The following MAGI1 variants were observed in gnomAD, a reference collection of about 807,000 sequenced individuals.
MAGI1 encodes membrane associated guanylate kinase, WW and PDZ domain containing 1, also known as membrane-associated guanylate kinase, WW and PDZ domain-containing protein 1.
MAGI1 carries 58 observed loss-of-function variants against 139.9 expected under a neutral mutation model. That is an observed-to-expected ratio of 0.41 (90% CI 0.34 to 0.52). The LOEUF is 0.52. Among genes scored for constraint, MAGI1 ranks in the 20% least tolerant of loss-of-function variants. The pLI is 0.12. For synonymous variants in MAGI1, 812 were observed against 737.9 expected, an observed-to-expected ratio of 1.10 and a Z score of -1.63; for missense variants, 1,874 against 1,901.6, an observed-to-expected ratio of 0.99 and a Z score of 0.27.
chr3:65,897,251 T>C (rs566020239), intron 1 of MAGI1, among the ~76,000 whole-genome samples: 1 of 152,288 alleles, frequency 6.6e-6, no homozygotes, highest in East Asian at 1.9e-4. Context: ...TACCACACTC[T>C]TTTGCATTAG....
intron 2 of MAGI1, among the ~76,000 whole-genome samples, chr3:65,550,957 C>T (rs1414282523): frequency 6.6e-6 from 1 of 152,074 alleles, no homozygotes; most frequent in East Asian, 1.9e-4. Context: ...GCAACAGAGA[C>T]CCTGTCTTAA....
intron 5 of MAGI1, among the ~76,000 whole-genome samples, chr3:65,463,003 C>T (rs1949921381): frequency 6.6e-6 from 1 of 152,196 alleles, no homozygotes; most frequent in South Asian, 2.1e-4. Flanking sequence ...TGTTTACCAG[C>T]TTAAGGAGTT....
At chr3:65,473,822 C>T (rs932575029) in intron 4 of MAGI1, among the ~76,000 whole-genome samples, 14 of 151,736 alleles carry the variant, frequency 9.2e-5, no homozygotes, top group Non-Finnish European at 2.1e-4. Context: ...ATATGCTTTC[C>T]ATATCTTCTT....
intron 2 of MAGI1, among the ~76,000 whole-genome samples, chr3:65,499,946 G>T (rs1180838681): frequency 6.6e-6 from 1 of 152,094 alleles, no homozygotes; most frequent in Non-Finnish European, 1.5e-5. Context: ...TTTATAAACT[G>T]AATGAAATCA....
intron 1 of MAGI1, among the ~76,000 whole-genome samples, chr3:65,956,704 T>A (rs1484792372): frequency 2.0e-5 from 3 of 152,082 alleles, no homozygotes; most frequent in Non-Finnish European, 4.4e-5. Flanking sequence ...CTGCTTAAAA[T>A]TACCTATTGA....
chr3:65,693,234 T>C (rs1398270825), intron 1 of MAGI1, among the ~76,000 whole-genome samples: 1 of 152,196 alleles, frequency 6.6e-6, no homozygotes, highest in Non-Finnish European at 1.5e-5. Context: ...TGTGAATCAC[T>C]GCGCCTGGCC....
At chr3:65,498,901 T>C (rs1162679492) in intron 2 of MAGI1, 1 of 546,470 alleles carries the variant, frequency 1.8e-6, no homozygotes, top group East Asian at 1.5e-4. Flanking sequence ...GCTACTGGCC[T>C]GGTCAGTACA....
At chr3:65,871,742 C>T (rs546459432) in intron 1 of MAGI1, among the ~76,000 whole-genome samples, 21 of 152,356 alleles carry the variant, frequency 1.4e-4, no homozygotes, top group Admixed American at 1.4e-3. Context: ...AAGTTTTCTA[C>T]TGAATGCTGG....
chr3:65,630,023 T>C (rs2084202905), intron 1 of MAGI1, among the ~76,000 whole-genome samples: 1 of 152,216 alleles, frequency 6.6e-6, no homozygotes, highest in Non-Finnish European at 1.5e-5. Flanking sequence ...CAAACAAAGT[T>C]AAAATCACCT....
At chr3:65,357,274 T>C (rs1940266419) in intron 22 of MAGI1, 142 bp from the exon 23 acceptor site, 3 of 835,600 alleles carry the variant, frequency 3.6e-6, no homozygotes. Context: ...CAACTGAATC[T>C]GTTAACTTAA....
At chr3:65,930,315 C>CAAAAAAAAAAAAAAAAAAAAAAAA (rs58258730) in intron 1 of MAGI1, among the ~76,000 whole-genome samples, 1 of 87,630 alleles carries the variant, frequency 1.1e-5, no homozygotes. Flanking sequence ...GACTCCGTCT[C>CAAAAAAAAAAAAAAAAAAAAAAAA]AAAAAAAAAA....
At chr3:65,370,184 C>T (rs1057140804) in intron 18 of MAGI1, among the ~76,000 whole-genome samples, 3 of 152,220 alleles carry the variant, frequency 2.0e-5, no homozygotes, top group Admixed American at 6.5e-5. Context: ...GGAGCATCAC[C>T]ATGAACCCGG....
chr3:65,495,810 G>A (rs1282580657), intron 2 of MAGI1, among the ~76,000 whole-genome samples: 1 of 152,070 alleles, frequency 6.6e-6, no homozygotes, highest in Non-Finnish European at 1.5e-5. Flanking sequence ...GATGGGGAAT[G>A]CATCCAGGCA....
At chr3:65,531,540 G>A (rs1426482884) in intron 2 of MAGI1, among the ~76,000 whole-genome samples, 1 of 152,054 alleles carries the variant, frequency 6.6e-6, no homozygotes, top group African/African-American at 2.4e-5. Flanking sequence ...GTAATAATAA[G>A]ATTAACATTC....
chr3:65,867,497 G>T (rs539946753), intron 1 of MAGI1, among the ~76,000 whole-genome samples: 1 of 152,144 alleles, frequency 6.6e-6, no homozygotes, highest in Admixed American at 6.5e-5. Context: ...CACTGTGGGC[G>T]GCCGAAGTGA....
intron 1 of MAGI1, among the ~76,000 whole-genome samples, chr3:65,793,255 T>C (rs1036279439): frequency 6.6e-6 from 1 of 152,162 alleles, no homozygotes; most frequent in Admixed American, 6.5e-5. Context: ...CCAGGATAGA[T>C]GGAATACAGA....
intron 2 of MAGI1, among the ~76,000 whole-genome samples, chr3:65,580,708 G>A (rs1355944653): frequency 6.6e-6 from 1 of 152,114 alleles, no homozygotes; most frequent in African/African-American, 2.4e-5. Flanking sequence ...CCAATCTTGG[G>A]CTATCAGATT....
At chr3:65,610,693 G>A (rs1331928699) in intron 2 of MAGI1, among the ~76,000 whole-genome samples, 1 of 132,480 alleles carries the variant, frequency 7.5e-6, no homozygotes, top group Non-Finnish European at 1.6e-5. Flanking sequence ...CCTATGAGAC[G>A]GGAAAGGAGA....
chr3:65,448,739 C>G (rs1169579398), intron 6 of MAGI1, among the ~76,000 whole-genome samples: 1 of 151,538 alleles, frequency 6.6e-6, no homozygotes, highest in Non-Finnish European at 1.5e-5. Context: ...CTTTCTAAGT[C>G]AAGGAGCTCA....
Sources: gnomAD v4.1 joint callset for allele counts (sites outside exome capture counted in the v4.1 genomes callset) on GRCh38, gnomAD v4.1.1 for gene constraint, MANE v1.5 for transcripts, NCBI Gene and HGNC (gene_info 2026-07-23, HGNC 2026-07-21) for gene names.